VPS53: variants seen among roughly 807,000 people sequenced by gnomAD.
VPS53 encodes VPS53 subunit of GARP complex, also known as vacuolar protein sorting-associated protein 53 homolog.
VPS53 carries 70 observed loss-of-function variants against 107.0 expected under a neutral mutation model. That is an observed-to-expected ratio of 0.65 (90% CI 0.54 to 0.80). The LOEUF (loss-of-function observed/expected upper bound fraction) is 0.80. Ranked by LOEUF, VPS53 falls within the 30% of genes least tolerant of loss-of-function variation. The probability of loss-of-function intolerance (pLI) is 0.00; values close to 1 mark genes in which losing one functional copy is unlikely to be tolerated. For missense variants in VPS53, 917 were observed against 1,049.4 expected (o/e 0.87, Z 1.74); for synonymous variants, 409 against 393.3 (o/e 1.04, Z -0.47).
intron 17 of VPS53, among the ~76,000 whole-genome samples, chr17:547,940 T>A (rs1262851477): frequency 6.6e-6 from 1 of 152,128 alleles, no homozygotes; most frequent in Non-Finnish European, 1.5e-5. Context: ...AAAGGGTGAA[T>A]TCTGTGGTAT....
chr17:639,773 A>C (rs1014075137), intron 7 of VPS53, among the ~76,000 whole-genome samples: 4 of 152,100 alleles, frequency 2.6e-5, no homozygotes, highest in African/African-American at 9.7e-5. Flanking sequence ...TTCGTCTCAG[A>C]GGGGTACGTG....
chr17:566,917 C>CT lies in VPS53; in HGVS notation c.1314-4173dup, dbSNP rs1165892590. 1.0e-3 allele frequency among the ~76,000 whole-genome samples: 150 copies of CT among 146,308 alleles called. 1 individual carries two copies. Among genetic ancestry groups the CT allele is most frequent in the East Asian group, 9.2e-3 (46 of 4,998 alleles). On this transcript the variant is annotated intron_variant, in intron 13 of 21. Coordinates refer to ENST00000437048, the MANE Select transcript of VPS53 (RefSeq NM_001128159.3). ...CACCACCACAACCGGCTAATTTTTGCTTTTTTTTTTAGTAGAGATGGGGTT... is the reference window on the plus strand; with the variant it reads ...CACCACCACAACCGGCTAATTTTTGCTTTTTTTTTTTAGTAGAGATGGGGTT...
chr17:560,859 T>C (rs934700844), intron 14 of VPS53, among the ~76,000 whole-genome samples: 3 of 152,320 alleles, frequency 2.0e-5, no homozygotes, highest in African/African-American at 7.2e-5. Context: ...GTCCTCTCTT[T>C]AGCTTGGAAT....
chr17:612,503 T>G (rs1216028013), intron 11 of VPS53, among the ~76,000 whole-genome samples: 1 of 129,868 alleles, frequency 7.7e-6, no homozygotes, highest in East Asian at 2.4e-4. Flanking sequence ...AATAGTGAAT[T>G]CACACAGTGA....
At chr17:599,165 C>CG (rs1228871105) in intron 12 of VPS53, among the ~76,000 whole-genome samples, 1 of 147,154 alleles carries the variant, frequency 6.8e-6, no homozygotes, top group Non-Finnish European at 1.5e-5. Context: ...CCGCCCCGCC[C>CG]GGGAGGTGAG....
At chr17:685,445 T>C (rs1331770631) in intron 4 of VPS53, among the ~76,000 whole-genome samples, 1 of 152,200 alleles carries the variant, frequency 6.6e-6, no homozygotes, top group Non-Finnish European at 1.5e-5. Context: ...TGTTTTTCAC[T>C]TTCTGTACAG....
chr17:714,628 C>A lies in VPS53; in HGVS notation c.82G>T (p.Glu28Ter). 8.1e-6 allele frequency: 13 copies of A among 1,611,856 alleles called. No homozygotes were observed. Among genetic ancestry groups the A allele is most frequent in the Non-Finnish European group, 1.1e-5 (13 of 1,178,920 alleles). ...QLTPEVQLAI[E>*]QVFPSQDPLD... ...CTGAGGGGCGGAACGCTTACCTGCT[C>A]GATGGCCAGCTGCACCTCGGGCGTG... is the stretch of plus-strand genomic sequence containing the variant. The change falls in exon 1 of 22, where the codon GAG (glutamate) becomes TAG (stop). Residue 28 changes from glutamate to a stop codon, truncating the protein, a stop_gained. Coordinates refer to ENST00000437048, the MANE Select transcript of VPS53 (RefSeq NM_001128159.3). LOFTEE classifies it high-confidence loss of function.
intron 4 of VPS53, among the ~76,000 whole-genome samples, chr17:695,903 A>C (rs973077624): frequency 6.6e-6 from 1 of 152,170 alleles, no homozygotes; most frequent in African/African-American, 2.4e-5. Context: ...GAGGTAGACA[A>C]TACGATCAAA....
At chr17:564,075 C>T (rs1163107551) in intron 13 of VPS53, among the ~76,000 whole-genome samples, 4 of 152,080 alleles carry the variant, frequency 2.6e-5, no homozygotes, top group Non-Finnish European at 4.4e-5. Context: ...CATGGCAAAA[C>T]CCCGTCTCTA....
At chr17:602,679 C>T (rs1287329843) in intron 11 of VPS53, among the ~76,000 whole-genome samples, 2 of 152,176 alleles carry the variant, frequency 1.3e-5, no homozygotes, top group African/African-American at 4.8e-5. Context: ...ACTTCATCTG[C>T]TGAATGAGGA....
intron 15 of VPS53, among the ~76,000 whole-genome samples, chr17:554,031 A>G (rs1025178491): frequency 6.6e-6 from 1 of 152,186 alleles, no homozygotes; most frequent in African/African-American, 2.4e-5. Flanking sequence ...GTTTCTTACC[A>G]CACATCAATA....
At chr17:602,920 G>C (rs981198428) in intron 11 of VPS53, among the ~76,000 whole-genome samples, 15 of 152,138 alleles carry the variant, frequency 9.9e-5, no homozygotes, top group African/African-American at 3.1e-4. Flanking sequence ...TTGGTGCTGG[G>C]GACGAGGGAA....
At chr17:562,030 T>C (rs1287231729) in intron 14 of VPS53, among the ~76,000 whole-genome samples, 5 of 152,186 alleles carry the variant, frequency 3.3e-5, no homozygotes, top group African/African-American at 1.2e-4. Flanking sequence ...CTGTCCAGCA[T>C]GGCAGGAAGT....
intron 7 of VPS53, among the ~76,000 whole-genome samples, chr17:634,667 T>C (rs1310256894): frequency 7.3e-5 from 11 of 151,434 alleles, no homozygotes; most frequent in South Asian, 6.3e-4. Flanking sequence ...GTCCTTGCAA[T>C]AGTTTGCTGA....
In VPS53 at chr17:567,924, G is replaced by A. The variant is rs909964535; in HGVS notation, c.1314-5179C>T. 2.6e-5 allele frequency among the ~76,000 whole-genome samples: 4 copies of A among 151,932 alleles called. No individual in the cohort carries two copies. In the South Asian group the frequency reaches 6.2e-4, roughly 24 times the overall value. On this transcript the variant is annotated intron_variant, in intron 13 of 21. Coordinates refer to ENST00000437048, the MANE Select transcript of VPS53 (RefSeq NM_001128159.3). Reference sequence around the variant, plus strand: ...AGGGGAGGGGAGGGGAAGGGAGAAGGAAGGAAATACCTCCTTCCCGAAATA... The same window carrying A: ...AGGGGAGGGGAGGGGAAGGGAGAAGAAAGGAAATACCTCCTTCCCGAAATA...
chr17:539,496 T>C (rs1333077839), intron 17 of VPS53, among the ~76,000 whole-genome samples: 1 of 152,188 alleles, frequency 6.6e-6, no homozygotes, highest in African/African-American at 2.4e-5. Flanking sequence ...CTTAGTCAAC[T>C]AAGAAAGTGA....
intron 4 of VPS53, among the ~76,000 whole-genome samples, chr17:679,157 T>C (rs1972289237): frequency 6.6e-6 from 1 of 152,060 alleles, no homozygotes; most frequent in Admixed American, 6.6e-5. Flanking sequence ...TGAGAAGGCC[T>C]AAAGAAATTC....
chr17:714,098 T>C (rs1221888973), intron 1 of VPS53: 2 of 151,656 alleles, frequency 1.3e-5, no homozygotes, highest in African/African-American at 2.4e-5. Flanking sequence ...CTTGGGAGTA[T>C]TCTCCAACCT....
intron 4 of VPS53, among the ~76,000 whole-genome samples, chr17:668,062 G>A (rs1412284274): frequency 1.3e-5 from 2 of 152,152 alleles, no homozygotes; most frequent in East Asian, 3.8e-4. Flanking sequence ...AAAGGTTGGG[G>A]ACCACTGGTT....
Sources: allele counts gnomAD v4.1 joint callset (sites outside exome capture counted in the v4.1 genomes callset), GRCh38; gene constraint gnomAD v4.1.1; transcripts MANE v1.5; gene names NCBI Gene and HGNC (gene_info 2026-07-23, HGNC 2026-07-21).